Variants in RCAN2 observed in about 807,000 individuals in gnomAD.
The protein encoded by RCAN2 is calcipressin-2.
In RCAN2, 9 loss-of-function variants were observed where a neutral mutation model predicts 23.6. The ratio of observed to expected loss-of-function variants is 0.38; its 90% confidence interval spans 0.23 to 0.67. The LOEUF (loss-of-function observed/expected upper bound fraction) is 0.67. RCAN2 is among the 30% of genes least tolerant of loss of function. RCAN2 has a pLI of 0.51. For synonymous variants in RCAN2, 109 were observed against 115.7 expected, an observed-to-expected ratio of 0.94 and a Z score of 0.37; for missense variants, 273 against 302.3, an observed-to-expected ratio of 0.90 and a Z score of 0.72.
At chr6:46,298,919 A>G (rs1194860516) in intron 2 of RCAN2, among the ~76,000 whole-genome samples, 1 of 152,134 alleles carries the variant, frequency 6.6e-6, no homozygotes, top group Non-Finnish European at 1.5e-5. Flanking sequence ...ATGGAATACT[A>G]TGCAGCCATA....
At chr6:46,466,478 T>A (rs1361909003) in intron 1 of RCAN2, among the ~76,000 whole-genome samples, 1 of 152,040 alleles carries the variant, frequency 6.6e-6, no homozygotes, top group South Asian at 2.1e-4. Flanking sequence ...CAGGTCACAC[T>A]CCCTTCCACA....
At chr6:46,450,738 G>C (rs1257412091) in intron 2 of RCAN2, among the ~76,000 whole-genome samples, 1 of 151,980 alleles carries the variant, frequency 6.6e-6, no homozygotes, top group Non-Finnish European at 1.5e-5. Context: ...AAAAATGTCA[G>C]ACACATAGAA....
At chr6:46,317,700 T>C (rs756182771) in intron 2 of RCAN2, among the ~76,000 whole-genome samples, 24 of 152,032 alleles carry the variant, frequency 1.6e-4, no homozygotes, top group Non-Finnish European at 2.9e-4. Flanking sequence ...CTCCTGACCT[T>C]CTGATCTGCC....
chr6:46,405,970 C>T (rs927917580), intron 2 of RCAN2, among the ~76,000 whole-genome samples: 1 of 152,228 alleles, frequency 6.6e-6, no homozygotes, highest in Non-Finnish European at 1.5e-5. Context: ...GTTGGCACTG[C>T]TGGGGGACCC....
intron 2 of RCAN2, among the ~76,000 whole-genome samples, chr6:46,377,117 T>G (rs980448161): frequency 6.6e-6 from 1 of 152,172 alleles, no homozygotes; most frequent in Admixed American, 6.5e-5. Context: ...GAACTTAGGA[T>G]ATACCCATGG....
At chr6:46,360,044 C>G (rs1764957005) in intron 2 of RCAN2, among the ~76,000 whole-genome samples, 1 of 152,126 alleles carries the variant, frequency 6.6e-6, no homozygotes, top group Non-Finnish European at 1.5e-5. Context: ...AAATTCCTAG[C>G]CTTCCTAAAC....
At chr6:46,401,254 C>T (rs1766240065) in intron 2 of RCAN2, among the ~76,000 whole-genome samples, 1 of 152,112 alleles carries the variant, frequency 6.6e-6, no homozygotes, top group Non-Finnish European at 1.5e-5. Context: ...AATCATTGTC[C>T]CTCCTCTGTC....
At chr6:46,376,216 C>T (rs752824937) in intron 2 of RCAN2, among the ~76,000 whole-genome samples, 2 of 152,238 alleles carry the variant, frequency 1.3e-5, no homozygotes, top group Non-Finnish European at 2.9e-5. Context: ...AAGAACATCA[C>T]AGCCCTCCCC....
chr6:46,431,129 A>G (rs1027059220), intron 2 of RCAN2, among the ~76,000 whole-genome samples: 2 of 151,614 alleles, frequency 1.3e-5, no homozygotes, highest in Non-Finnish European at 2.9e-5. Flanking sequence ...GTGTGCATGC[A>G]TGTGTGTGTC....
intron 1 of RCAN2, among the ~76,000 whole-genome samples, chr6:46,479,074 G>T (rs1200391427): frequency 6.6e-6 from 1 of 152,168 alleles, no homozygotes; most frequent in Non-Finnish European, 1.5e-5. Flanking sequence ...TACTGTCCCA[G>T]ATAATATTTA....
intron 2 of RCAN2, among the ~76,000 whole-genome samples, chr6:46,281,663 AT>A (rs1340486002): frequency 6.6e-6 from 1 of 152,020 alleles, no homozygotes; most frequent in East Asian, 1.9e-4. Context: ...TGAGCTAAAC[AT>A]TTTTCTCTTA....
chr6:46,388,271 T>C (rs920182469), intron 2 of RCAN2, among the ~76,000 whole-genome samples: 1 of 151,192 alleles, frequency 6.6e-6, no homozygotes, highest in Admixed American at 6.6e-5. Flanking sequence ...ATAATAATAA[T>C]AAAATAAATA....
chr6:46,230,775 C>A (rs956825804), intron 4 of RCAN2, among the ~76,000 whole-genome samples: 3 of 152,172 alleles, frequency 2.0e-5, no homozygotes, highest in African/African-American at 7.2e-5. Flanking sequence ...CACTGTCCAA[C>A]AAGCCCCAGT....
chr6:46,226,354 G>A (rs764537804), intron 4 of RCAN2, among the ~76,000 whole-genome samples: 1 of 152,148 alleles, frequency 6.6e-6, no homozygotes, highest in African/African-American at 2.4e-5. Context: ...GGATGGCATC[G>A]AATCTATAAA....
chr6:46,349,209 A>T (rs1764576190), intron 2 of RCAN2, among the ~76,000 whole-genome samples: 1 of 152,228 alleles, frequency 6.6e-6, no homozygotes, highest in Non-Finnish European at 1.5e-5. Context: ...GGAAAAGATA[A>T]GAGGAAACCA....
intron 2 of RCAN2, among the ~76,000 whole-genome samples, chr6:46,404,522 C>T (rs1425492065): frequency 6.6e-6 from 1 of 152,030 alleles, no homozygotes; most frequent in Non-Finnish European, 1.5e-5. Context: ...ATATCAAGTT[C>T]TTAAATGTGG....
At chr6:46,431,323 G>A (rs1324542775) in intron 2 of RCAN2, among the ~76,000 whole-genome samples, 19 of 151,952 alleles carry the variant, frequency 1.3e-4, no homozygotes, top group Admixed American at 1.2e-3. Context: ...CTCCCACCTC[G>A]GCCTCCTAAA....
rs1767538150 is a variant in RCAN2 at position 46,272,074 on chromosome 6, C to T, written c.226-23178G>A. On this transcript the variant is annotated intron_variant, in intron 2 of 4. Coordinates refer to ENST00000371374, the MANE Select transcript of RCAN2 (RefSeq NM_001251974.2). ...AATTGTGAAGAAGTTAAGAACCTTG[C>T]CAAAAGCCACTCAGCTAGTGACAGT... 5.3e-5 allele frequency among the ~76,000 whole-genome samples: 8 copies of T among 152,272 alleles called. No homozygotes were observed. The South Asian group carries it at 1.7e-3, about 32-fold the overall frequency.
chr6:46,223,338 G>C (rs1312491302), intron 4 of RCAN2, 37 bp from the exon 5 acceptor site: 2 of 1,598,556 alleles, frequency 1.3e-6, no homozygotes, highest in Non-Finnish European at 1.7e-6. Flanking sequence ...GAAAGAGGGG[G>C]GGATTTCAAA....
Sources: allele counts gnomAD v4.1 joint callset (sites outside exome capture counted in the v4.1 genomes callset), GRCh38; gene constraint gnomAD v4.1.1; transcripts MANE v1.5; gene names NCBI Gene and HGNC (gene_info 2026-07-23, HGNC 2026-07-21).